The following CFAP299 variants were observed in gnomAD, a reference collection of about 807,000 sequenced individuals.
CFAP299 encodes the protein cilia- and flagella-associated protein 299.
CFAP299 carries 21 observed loss-of-function variants against 27.0 expected under a neutral mutation model. That is an observed-to-expected ratio of 0.78 (90% CI 0.55 to 1.12). The LOEUF (loss-of-function observed/expected upper bound fraction) is 1.12. Among genes scored for constraint, CFAP299 ranks in the 50% most tolerant of loss-of-function variants. The pLI is 0.00. For missense variants in CFAP299, 310 were observed against 276.6 expected (o/e 1.12, Z -0.86); for synonymous variants, 104 against 98.1 (o/e 1.06, Z -0.36).
intron 3 of CFAP299, among the ~76,000 whole-genome samples, chr4:80,678,389 T>C (rs1719611085): frequency 6.6e-6 from 1 of 152,066 alleles, no homozygotes; most frequent in African/African-American, 2.4e-5. Flanking sequence ...ACTAGCTTCC[T>C]AGTTACCTAA....
chr4:80,473,159 A>C (rs780621651), intron 2 of CFAP299, among the ~76,000 whole-genome samples: 3 of 152,126 alleles, frequency 2.0e-5, no homozygotes, highest in Non-Finnish European at 2.9e-5. Context: ...GGGAACTCAG[A>C]GGAGGCACCC....
At chr4:80,661,531 C>T (rs1285945078) in intron 3 of CFAP299, among the ~76,000 whole-genome samples, 1 of 152,106 alleles carries the variant, frequency 6.6e-6, no homozygotes, top group Non-Finnish European at 1.5e-5. Context: ...ATTATCACTT[C>T]CCCAGTCAAT....
At chr4:80,506,319 T>G (rs1186156436) in intron 2 of CFAP299, among the ~76,000 whole-genome samples, 1 of 152,120 alleles carries the variant, frequency 6.6e-6, no homozygotes, top group East Asian at 1.9e-4. Context: ...GGAAATCTTA[T>G]ATTTTATATT....
chr4:80,701,729 C>T (rs1213510187), intron 3 of CFAP299, among the ~76,000 whole-genome samples: 4 of 151,854 alleles, frequency 2.6e-5, no homozygotes, highest in African/African-American at 9.7e-5. Context: ...TTGCTTTTAG[C>T]ACTGCAGTAT....
intron 2 of CFAP299, among the ~76,000 whole-genome samples, chr4:80,489,627 T>G (rs1578505775): frequency 6.6e-6 from 1 of 152,206 alleles, no homozygotes; most frequent in Admixed American, 6.5e-5. Flanking sequence ...TCATCTCTCC[T>G]GCAAAAATCA....
intron 3 of CFAP299, among the ~76,000 whole-genome samples, chr4:80,721,565 A>T (rs1420538240): frequency 6.6e-6 from 1 of 152,142 alleles, no homozygotes; most frequent in Non-Finnish European, 1.5e-5. Context: ...TAAGTACTCT[A>T]TCTCTAAATA....
chr4:80,526,351 C>T (rs528626149), intron 2 of CFAP299, among the ~76,000 whole-genome samples: 12 of 152,250 alleles, frequency 7.9e-5, no homozygotes, highest in African/African-American at 2.6e-4. Context: ...AATTAATTCT[C>T]TTCCTCAGGA....
At chr4:80,669,143 T>G (rs1741315255) in intron 3 of CFAP299, among the ~76,000 whole-genome samples, 2 of 60,064 alleles carry the variant, frequency 3.3e-5, no homozygotes, top group Non-Finnish European at 6.4e-5. Flanking sequence ...CTTTCTTTCT[T>G]TCTTTCTTTT....
the CFAP299 span, among the ~76,000 whole-genome samples, chr4:80,329,522 G>A: frequency 6.6e-6 from 1 of 152,112 alleles, no homozygotes; most frequent in African/African-American, 2.4e-5. Flanking sequence ...GTTTCAATAA[G>A]TGAGATTGAG....
At chr4:80,364,877 G>T (rs1723742161) in intron 2 of CFAP299, among the ~76,000 whole-genome samples, 1 of 152,180 alleles carries the variant, frequency 6.6e-6, no homozygotes, top group South Asian at 2.1e-4. Flanking sequence ...CTGCTCCTGT[G>T]TAAGTTTGCT....
At chr4:80,332,617 T>A (rs940101238), upstream of CFAP299, among the ~76,000 whole-genome samples, 12 of 152,180 alleles carry the variant, frequency 7.9e-5, no homozygotes, top group African/African-American at 2.7e-4. Flanking sequence ...CTTTTGGGTA[T>A]AAGAGTTAAG....
chr4:80,561,053 G>C (rs1319313574), intron 2 of CFAP299, among the ~76,000 whole-genome samples: 1 of 152,170 alleles, frequency 6.6e-6, no homozygotes, highest in Non-Finnish European at 1.5e-5. Context: ...TGCAGTCATA[G>C]TGGTGGTGGT....
At chr4:80,806,368 A>G (rs1217326525) in intron 3 of CFAP299, among the ~76,000 whole-genome samples, 3 of 152,212 alleles carry the variant, frequency 2.0e-5, no homozygotes, top group Admixed American at 1.3e-4. Context: ...GCTCTGAGCT[A>G]GGATCTGGAG....
intron 3 of CFAP299, among the ~76,000 whole-genome samples, chr4:80,667,411 T>C (rs1741196267): frequency 6.6e-6 from 1 of 152,182 alleles, no homozygotes; most frequent in Non-Finnish European, 1.5e-5. Context: ...GTCACAGTAC[T>C]GATCTATGAA....
intron 2 of CFAP299, among the ~76,000 whole-genome samples, chr4:80,422,994 G>A (rs948396361): frequency 1.3e-5 from 2 of 152,160 alleles, no homozygotes; most frequent in Non-Finnish European, 2.9e-5. Flanking sequence ...ACTGAATACT[G>A]TAGGCAATTA....
chr4:80,884,039 A>G (rs188214562), intron 4 of CFAP299, among the ~76,000 whole-genome samples: 27 of 152,210 alleles, frequency 1.8e-4, no homozygotes, highest in Non-Finnish European at 3.5e-4. Flanking sequence ...TCCAGTATGC[A>G]CTGGTGTGTG....
At chr4:80,446,630 G>A (rs1035767692) in intron 2 of CFAP299, among the ~76,000 whole-genome samples, 4 of 152,044 alleles carry the variant, frequency 2.6e-5, no homozygotes, top group Non-Finnish European at 5.9e-5. Flanking sequence ...AAATACAGCT[G>A]TCTTCTATCC....
intron 1 of CFAP299, among the ~76,000 whole-genome samples, chr4:80,344,388 G>T (rs1251665396): frequency 6.6e-6 from 1 of 151,878 alleles, no homozygotes; most frequent in Non-Finnish European, 1.5e-5. Context: ...GCAGAAAATA[G>T]AAAATCTAGA....
intron 3 of CFAP299, among the ~76,000 whole-genome samples, chr4:80,814,486 G>C (rs544600558): frequency 6.6e-6 from 1 of 152,030 alleles, no homozygotes; most frequent in Admixed American, 6.6e-5. Flanking sequence ...TTGAGCCAGA[G>C]CACACATTCC....
Sources: gnomAD v4.1 joint callset for allele counts (sites outside exome capture counted in the v4.1 genomes callset) on GRCh38, gnomAD v4.1.1 for gene constraint, MANE v1.5 for transcripts, NCBI Gene and HGNC (gene_info 2026-07-23, HGNC 2026-07-21) for gene names.